Variants in GLIPR1L2 observed in about 807,000 individuals in gnomAD.
GLIPR1L2 encodes GLIPR1-like protein 2.
Under a neutral mutation model 28.4 loss-of-function variants are expected in GLIPR1L2, and 21 were observed. The ratio of observed to expected loss-of-function variants is 0.74; its 90% CI spans 0.52 to 1.06. The LOEUF is 1.06. GLIPR1L2 is among the 50% of genes least tolerant of loss of function. The probability of loss-of-function intolerance (pLI) is 0.00; values close to 1 mark genes in which losing one functional copy is unlikely to be tolerated. For synonymous variants in GLIPR1L2, 145 were observed against 139.3 expected (o/e 1.04, Z -0.29); for missense variants, 476 against 416.9 (o/e 1.14, Z -1.23).
At chr12:75,403,079 C>T (rs2045760093) in intron 1 of GLIPR1L2, 2 of 457,090 alleles carry the variant, frequency 4.4e-6, no homozygotes, top group Non-Finnish European at 8.8e-6. Flanking sequence ...ACCTCTCACC[C>T]AGGACTCCAA....
chr12:75,409,048 C>T (rs2045834130), intron 1 of GLIPR1L2, among the ~76,000 whole-genome samples: 1 of 152,002 alleles, frequency 6.6e-6, no homozygotes, highest in Admixed American at 6.6e-5. Context: ...GGCCTTCAGG[C>T]TGCATGAGGC....
chr12:75,402,596 G>C (rs936986977), intron 1 of GLIPR1L2, among the ~76,000 whole-genome samples: 2 of 152,056 alleles, frequency 1.3e-5, no homozygotes, highest in Non-Finnish European at 2.9e-5. Context: ...AATTTGTTCA[G>C]TTTCCAAAAT....
chr12:75,408,518 T>A (rs1049875043), intron 1 of GLIPR1L2, among the ~76,000 whole-genome samples: 3 of 152,050 alleles, frequency 2.0e-5, no homozygotes, highest in Non-Finnish European at 4.4e-5. Flanking sequence ...AAATAGTGAC[T>A]GCTATGTAGT....
At chr12:75,419,403 A>G (rs895317495) in intron 3 of GLIPR1L2, among the ~76,000 whole-genome samples, 1 of 152,168 alleles carries the variant, frequency 6.6e-6, no homozygotes, top group African/African-American at 2.4e-5. Flanking sequence ...AGTGACAACT[A>G]TGGAGAATTG....
Position 75,413,676 on chromosome 12 carries a change from A to G in GLIPR1L2, c.559A>G (p.Ile187Val). The G allele has an allele frequency of 6.6e-7, 1 of 1,522,972 alleles. No homozygotes were observed. Among genetic ancestry groups the G allele is most frequent in the Non-Finnish European group, 8.8e-7 (1 of 1,132,988 alleles). 94.3% of individuals were successfully genotyped at this position (1,522,972 alleles called of 1,614,324 possible). Reference sequence around the variant, plus strand: ...AATTGGACATATTATACATGCAGCAATTTTCATATGCAACTATGCGCCAGG... The same window carrying G: ...AATTGGACATATTATACATGCAGCAGTTTTCATATGCAACTATGCGCCAGG... Reference protein sequence around the residue: ...SKIGHIIHAAIFICNYAPGGT... With the variant: ...SKIGHIIHAAVFICNYAPGGT... The change falls in exon 3 of 6, where the codon ATT becomes GTT. Residue 187 changes from isoleucine (I) to valine (V), a missense_variant. Coordinates refer to ENST00000550916, the MANE Select transcript of GLIPR1L2 (RefSeq NM_001270396.2).
chr12:75,431,378 T>C lies in GLIPR1L2; in HGVS notation c.*217T>C. ...AACAAAAAACATGTAAGGTGGGCTC[T>C]TTGACACTAAGAACAGATAAAGACA... On this transcript the variant is annotated 3_prime_UTR_variant, in exon 6 of 6. Transcript: ENST00000550916. 1 of 437,140 alleles carries C rather than the reference T, an allele frequency of 2.3e-6. No individual in the cohort carries two copies. Among genetic ancestry groups the C allele is most frequent in the Non-Finnish European group, 4.0e-6 (1 of 249,450 alleles). 27.1% of individuals were successfully genotyped at this position (437,140 alleles called of 1,614,324 possible).
intron 2 of GLIPR1L2, among the ~76,000 whole-genome samples, chr12:75,411,268 T>C (rs1258341743): frequency 2.0e-5 from 3 of 151,848 alleles, no homozygotes; most frequent in Non-Finnish European, 4.4e-5. Context: ...TTTTCATCCA[T>C]ATATTCTCAA....
intron 4 of GLIPR1L2, among the ~76,000 whole-genome samples, chr12:75,427,414 AAAGT>A (rs2046044981): frequency 1.3e-5 from 2 of 152,224 alleles, no homozygotes; most frequent in African/African-American, 4.8e-5. Context: ...CATAAAATAT[AAAGT>A]AAGACCAAGC....
rs1166679994 is a variant in GLIPR1L2, at chr12:75,410,601, C to T, written c.402C>T (p.Ile134=). Residue 134 remains isoleucine (I), a synonymous_variant, in exon 2 of 6, where the codon ATC becomes ATT. Coordinates refer to ENST00000550916, the MANE Select transcript of GLIPR1L2 (RefSeq NM_001270396.2). ...PENEFTASIA[I]RSWHAEKKMY... Reference sequence around the variant, plus strand: ...ATGAATTTACTGCAAGTATTGCTATCAGAAGTTGGCATGCAGAGAAGAAAA... The same window carrying T: ...ATGAATTTACTGCAAGTATTGCTATTAGAAGTTGGCATGCAGAGAAGAAAA... 2 of 1,612,030 alleles carry T rather than the reference C, an allele frequency of 1.2e-6. No homozygotes were observed. Among genetic ancestry groups the T allele is most frequent in the African/African-American group, 1.3e-5 (1 of 74,922 alleles).
chr12:75,397,829 C>T (rs1029439203), intron 1 of GLIPR1L2, among the ~76,000 whole-genome samples: 8 of 151,988 alleles, frequency 5.3e-5, no homozygotes, highest in Non-Finnish European at 2.9e-5. Context: ...CTGATTTTTC[C>T]GCAAATATTT....
intron 4 of GLIPR1L2, among the ~76,000 whole-genome samples, chr12:75,427,770 T>C (rs1310834860): frequency 1.3e-5 from 2 of 152,094 alleles, no homozygotes; most frequent in African/African-American, 4.8e-5. Flanking sequence ...TGAGTTCTCA[T>C]GAGATCTGAT....
Position 75,391,523 on chromosome 12 carries a change from C to CT in GLIPR1L2, c.234+174dup, listed in dbSNP as rs546694537. On this transcript the variant is annotated intron_variant, in intron 1 of 5. Transcript: ENST00000550916. ...TACACAGAGAAAAACTGCGGACACTCTAACACATGCTTATTACCATGATAT... is the reference window on the plus strand; with the variant it reads ...TACACAGAGAAAAACTGCGGACACTCTTAACACATGCTTATTACCATGATAT... 8.9e-5 allele frequency: 136 copies of CT among 1,531,762 alleles called. No individual in the cohort carries two copies. The East Asian group carries it at 2.3e-3, about 26-fold the overall frequency. The allele number at this position is 1,531,762 out of a possible 1,614,324, so 94.9% of individuals were successfully genotyped here.
chr12:75,401,403 T>C lies in GLIPR1L2; in HGVS notation c.235-9031T>C, dbSNP rs565554014. ...ATTGGAAAAAAAAAGGTATAATCCA[T>C]GAAGATAAAATAAAGGCCTTCGCAC... On this transcript the variant is annotated intron_variant, in intron 1 of 5. Transcript: ENST00000550916. Among the ~76,000 whole-genome samples the C allele has an allele frequency of 6.7e-4, 102 of 151,424 alleles. 1 individual carries two copies. Among genetic ancestry groups the C allele is most frequent in the African/African-American group, 2.1e-3 (86 of 41,460 alleles).
intron 3 of GLIPR1L2, among the ~76,000 whole-genome samples, chr12:75,420,203 T>A (rs1189777729): frequency 6.6e-6 from 1 of 152,202 alleles, no homozygotes; most frequent in Non-Finnish European, 1.5e-5. Context: ...TGAGTCTGGA[T>A]GGAGAACTTT....
intron 3 of GLIPR1L2, among the ~76,000 whole-genome samples, chr12:75,422,053 CA>C (rs2045981969): frequency 6.6e-6 from 1 of 151,950 alleles, no homozygotes; most frequent in Admixed American, 6.6e-5. Flanking sequence ...AGTGCAGTGG[CA>C]CAGTCAGCTC....
chr12:75,396,873 C>T (rs2045686432), intron 1 of GLIPR1L2, among the ~76,000 whole-genome samples: 1 of 152,206 alleles, frequency 6.6e-6, no homozygotes, highest in South Asian at 2.1e-4. Context: ...TCTCCAGCTA[C>T]TTTAAATATT....
intron 1 of GLIPR1L2, among the ~76,000 whole-genome samples, chr12:75,397,449 T>G (rs1351353615): frequency 1.3e-5 from 2 of 152,140 alleles, no homozygotes; most frequent in Non-Finnish European, 2.9e-5. Context: ...ATGTTTATAA[T>G]TTTCTATCCT....
intron 1 of GLIPR1L2, among the ~76,000 whole-genome samples, chr12:75,399,900 C>T (rs1471082104): frequency 6.6e-6 from 1 of 152,176 alleles, no homozygotes; most frequent in Non-Finnish European, 1.5e-5. Context: ...CTTTGGCTCT[C>T]TGGTCCCATT....
chr12:75,412,231 A>G (rs147169179), intron 2 of GLIPR1L2, among the ~76,000 whole-genome samples: 130 of 152,064 alleles, frequency 8.5e-4, no homozygotes, highest in Non-Finnish European at 1.5e-3. Flanking sequence ...GAACTTTCCA[A>G]TTCAACCAGA....
Sources: gnomAD v4.1 joint callset for allele counts (sites outside exome capture counted in the v4.1 genomes callset) on GRCh38, gnomAD v4.1.1 for gene constraint, MANE v1.5 for transcripts, NCBI Gene and HGNC (gene_info 2026-07-23, HGNC 2026-07-21) for gene names.